The following INSIG2 variants were observed in gnomAD, a reference collection of about 807,000 sequenced individuals.
INSIG2 encodes insulin-induced gene 2 protein.
INSIG2 carries 10 observed loss-of-function variants against 27.2 expected under a neutral mutation model. The observed-to-expected ratio is 0.37, with a 90% confidence interval of 0.23 to 0.62. The LOEUF (loss-of-function observed/expected upper bound fraction) is 0.62, where lower values mean the gene tolerates loss of function less well. Ranked by LOEUF, INSIG2 falls within the 20% of genes least tolerant of loss-of-function variation. The probability of loss-of-function intolerance (pLI) is 0.65; values close to 1 mark genes in which losing one functional copy is unlikely to be tolerated. For missense variants in INSIG2, 178 were observed against 270.2 expected (o/e 0.66, Z 2.39); for synonymous variants, 97 against 95.8 (o/e 1.01, Z -0.07).
At chr2:118,098,210 T>C (rs1410267073) in intron 2 of INSIG2, among the ~76,000 whole-genome samples, 1 of 152,230 alleles carries the variant, frequency 6.6e-6, no homozygotes, top group African/African-American at 2.4e-5. Flanking sequence ...TTCTATAGTA[T>C]AGTCTGGCTG....
Position 118,106,645 on chromosome 2 carries a change from C to T in INSIG2, c.370-92C>T, listed in dbSNP as rs555253557. On this transcript the variant is annotated intron_variant, in intron 3 of 5. Coordinates refer to ENST00000245787, the MANE Select transcript of INSIG2 (RefSeq NM_016133.4). ...TACTTGAGTAGAAGCAATTAATTCCCTTCTCAACAGAGGCATCTCTTATTT... is the reference window on the plus strand; with the variant it reads ...TACTTGAGTAGAAGCAATTAATTCCTTTCTCAACAGAGGCATCTCTTATTT... 239 of 983,562 alleles carry T rather than the reference C, an allele frequency of 2.4e-4. 3 individuals are homozygous for T. The South Asian group carries it at 3.6e-3, about 15-fold the overall frequency. 60.9% of individuals were successfully genotyped at this position (983,562 alleles called of 1,614,324 possible).
At chr2:118,101,772 C>T (rs545367476) in intron 2 of INSIG2, among the ~76,000 whole-genome samples, 4 of 152,238 alleles carry the variant, frequency 2.6e-5, no homozygotes, top group Non-Finnish European at 5.9e-5. Context: ...TGTGAAACTT[C>T]TAGATTTACT....
chr2:118,093,526 ATGATGATGAT>A (rs1678315808), intron 1 of INSIG2, among the ~76,000 whole-genome samples: 1 of 4,838 alleles, frequency 2.1e-4, no homozygotes, highest in African/African-American at 7.5e-4. Context: ...GATGATGATG[ATGATGATGAT>A]GGAGAGTTCT....
At chr2:118,091,996 T>G (rs976547738) in intron 1 of INSIG2, among the ~76,000 whole-genome samples, 5 of 152,230 alleles carry the variant, frequency 3.3e-5, no homozygotes, top group Non-Finnish European at 5.9e-5. Flanking sequence ...CAAATAATTG[T>G]CCTGCCTAAA....
At chr2:118,093,191 ACCTT>A (rs1678303448) in intron 1 of INSIG2, among the ~76,000 whole-genome samples, 1 of 64,676 alleles carries the variant, frequency 1.5e-5, no homozygotes, top group African/African-American at 7.4e-5. Context: ...TAGCTACTGA[ACCTT>A]GCCAAAAGCA....
chr2:118,089,133 A>G (rs567899424), intron 1 of INSIG2, among the ~76,000 whole-genome samples: 42 of 152,268 alleles, frequency 2.8e-4, no homozygotes, highest in African/African-American at 9.4e-4. Context: ...GATAATTACT[A>G]GATTTTAGGG....
chr2:118,100,977 G>T lies in INSIG2; in HGVS notation c.245-2220G>T, dbSNP rs117207590. Among the ~76,000 whole-genome samples, 56 of 152,216 alleles carry T rather than the reference G, an allele frequency of 3.7e-4. No individual in the cohort carries two copies. The East Asian group carries it at 0.011, about 29-fold the overall frequency. On this transcript the variant is annotated intron_variant, in intron 2 of 5. Coordinates refer to ENST00000245787, the MANE Select transcript of INSIG2 (RefSeq NM_016133.4). ...CTAGTCACTGGGAAATAACTTAAAGGTATCACAAGAAATGTGATTTTTGCA... is the reference window on the plus strand; with the variant it reads ...CTAGTCACTGGGAAATAACTTAAAGTTATCACAAGAAATGTGATTTTTGCA...
At chr2:118,099,884 A>G (rs1678498402) in intron 2 of INSIG2, among the ~76,000 whole-genome samples, 1 of 151,940 alleles carries the variant, frequency 6.6e-6, no homozygotes, top group Non-Finnish European at 1.5e-5. Context: ...GCCGGCCTCT[A>G]GTTTTGCACC....
At position 118,096,622 on chromosome 2, in the gene INSIG2, T is replaced by C. The variant is rs375348923; in HGVS notation, c.66T>C (p.Thr22=). ...GTGGCCCATATATTTCATCTGTCAC[T>C]AGCCAGAGTGTGAACTTGATGATTC... ...KKCGPYISSV[T]SQSVNLMIRG... is the part of the protein sequence containing the mutation. Residue 22 remains threonine (T), a synonymous_variant, in exon 2 of 6, where the codon ACT becomes ACC. Transcript: ENST00000245787. The C allele has an allele frequency of 3.1e-6, 5 of 1,613,826 alleles. No homozygotes were observed. Among genetic ancestry groups the C allele is most frequent in the Non-Finnish European group, 4.2e-6 (5 of 1,179,834 alleles).
chr2:118,092,969 G>C (rs949736908), intron 1 of INSIG2, among the ~76,000 whole-genome samples: 4 of 141,458 alleles, frequency 2.8e-5, no homozygotes, highest in Non-Finnish European at 4.6e-5. Context: ...GAGGAGGAGA[G>C]TTCTGTAGCT....
intron 1 of INSIG2, among the ~76,000 whole-genome samples, chr2:118,092,592 G>A (rs75928652): frequency 0.014 from 2,104 of 152,262 alleles, 26 homozygotes; most frequent in Middle Eastern, 0.024. Flanking sequence ...GCAAGAGGAT[G>A]GGTTTTGGAA....
At chr2:118,090,632 AGAAT>A (rs1396631614) in intron 1 of INSIG2, among the ~76,000 whole-genome samples, 1 of 152,238 alleles carries the variant, frequency 6.6e-6, no homozygotes, top group Non-Finnish European at 1.5e-5. Context: ...GGCTCAGCGT[AGAAT>A]TTTTCAAGTC....
intron 2 of INSIG2, among the ~76,000 whole-genome samples, 181 bp from the exon 3 acceptor site, chr2:118,103,011 CTCATT>C (rs1229926336): frequency 6.6e-6 from 1 of 150,606 alleles, no homozygotes; most frequent in East Asian, 1.9e-4. Flanking sequence ...TGGTGTTATC[CTCATT>C]TCATTTCCTT....
chr2:118,094,614 A>G (rs572305775), intron 1 of INSIG2, among the ~76,000 whole-genome samples: 1 of 152,298 alleles, frequency 6.6e-6, no homozygotes, highest in Non-Finnish European at 1.5e-5. Flanking sequence ...TTATAGACTA[A>G]GTAGGTCAGT....
rs1200944089 is a variant in INSIG2, at chr2:118,093,863, T to TGAG, written c.-138-2534_-138-2532dup. Among the ~76,000 whole-genome samples the TGAG allele has an allele frequency of 2.3e-3, 98 of 42,040 alleles. 3 individuals carry two copies. The highest frequency in any genetic ancestry group is 6.5e-3 in the African/African-American group (62 of 9,590). The allele number at this position is 42,040 out of a possible 152,430, so 27.6% of individuals were successfully genotyped here. A position where few individuals can be genotyped will look rare whatever the true frequency, so the allele number is the denominator to read the frequency against. Reference sequence around the variant, plus strand: ...GAAAGCAACCAGATGATGATGATGATGAGGAGGAGGAGGAGGAGGAGGAGA... The same window carrying TGAG: ...GAAAGCAACCAGATGATGATGATGATGAGGAGGAGGAGGAGGAGGAGGAGGAGA... On this transcript the variant is annotated intron_variant, in intron 1 of 5. Transcript: ENST00000245787.
intron 2 of INSIG2, among the ~76,000 whole-genome samples, chr2:118,100,373 C>CTTTTTTTTT (rs70949913): frequency 8.6e-5 from 7 of 81,516 alleles, no homozygotes; most frequent in Non-Finnish European, 1.5e-4. Context: ...ACTCTTTTGC[C>CTTTTTTTTT]TTTTTTTTTT....
At chr2:118,097,686 A>G (rs1433288569) in intron 2 of INSIG2, among the ~76,000 whole-genome samples, 2 of 152,248 alleles carry the variant, frequency 1.3e-5, no homozygotes, top group African/African-American at 4.8e-5. Context: ...TAATAAAGTA[A>G]TAAAAGGAAA....
intron 2 of INSIG2, 59 bp downstream of exon 2, chr2:118,096,859 GT>G: frequency 6.5e-7 from 1 of 1,540,058 alleles, no homozygotes; most frequent in Non-Finnish European, 8.8e-7. Context: ...GAGTATGGAC[GT>G]TGTCTGAGCA....
chr2:118,106,742 G>A lies in INSIG2; in HGVS notation c.375G>A (p.Val125=), dbSNP rs1243170136. 1 of 1,612,826 alleles carries A rather than the reference G, an allele frequency of 6.2e-7. No individual in the cohort carries two copies. The highest frequency in any genetic ancestry group is 8.5e-7 in the Non-Finnish European group (1 of 1,179,316). Reference sequence around the variant, plus strand: ...CTTCTTAACACTGATCTCAGAAAGTGGATTTCGATAACAACATACAGTTGT... The same window carrying A: ...CTTCTTAACACTGATCTCAGAAAGTAGATTTCGATAACAACATACAGTTGT... ...FVGINHASAK[V]DFDNNIQLSL... The change falls in exon 4 of 6, where the codon GTG becomes GTA. Residue 125 remains valine (V), a synonymous_variant. Transcript: ENST00000245787.
Sources: gnomAD v4.1 joint callset for allele counts (sites outside exome capture counted in the v4.1 genomes callset) on GRCh38, gnomAD v4.1.1 for gene constraint, MANE v1.5 for transcripts, NCBI Gene and HGNC (gene_info 2026-07-23, HGNC 2026-07-21) for gene names.